The following TMEM87B variants were observed in gnomAD, a reference collection of about 807,000 sequenced individuals.
The protein encoded by TMEM87B is transmembrane protein 87B.
TMEM87B carries 83 observed loss-of-function variants against 80.3 expected under a neutral mutation model. The ratio of observed to expected loss-of-function variants is 1.03; its 90% CI spans 0.87 to 1.24. The LOEUF is 1.24. Among genes scored for constraint, TMEM87B ranks in the 50% most tolerant of loss-of-function variants. The pLI, the probability that TMEM87B is intolerant of heterozygous loss-of-function variation, is 0.00. For synonymous variants in TMEM87B, 219 were observed against 230.5 expected (o/e 0.95, Z 0.45); for missense variants, 625 against 674.4 (o/e 0.93, Z 0.81).
rs1679001596 is a variant in TMEM87B, at chr2:112,081,612, T to G, written c.838+94T>G. Reference sequence around the variant, plus strand: ...TGGGAGGCCCCCTTCTGAACAGTGGTTTGGAAACAGATATATTATAGATGA... The same window carrying G: ...TGGGAGGCCCCCTTCTGAACAGTGGGTTGGAAACAGATATATTATAGATGA... On this transcript the variant is annotated intron_variant, in intron 8 of 18. Transcript: ENST00000283206. 4.4e-6 allele frequency: 5 copies of G among 1,136,980 alleles called. No individual in the cohort carries two copies. In the East Asian group the frequency reaches 1.2e-4, roughly 28 times the overall value. The allele number at this position is 1,136,980 out of a possible 1,614,324, so 70.4% of individuals were successfully genotyped here.
At chr2:112,098,537 G>T (rs1299370367) in intron 13 of TMEM87B, 58 bp from the exon 14 acceptor site, 7 of 1,511,084 alleles carry the variant, frequency 4.6e-6, no homozygotes, top group Middle Eastern at 1.7e-4. Flanking sequence ...ATTTGAATGG[G>T]AAACCTATAT....
intron 9 of TMEM87B, among the ~76,000 whole-genome samples, chr2:112,086,962 A>C (rs1370382366): frequency 6.6e-6 from 1 of 152,160 alleles, no homozygotes; most frequent in Non-Finnish European, 1.5e-5. Flanking sequence ...AATTTTAAGC[A>C]ATCCACTTTT....
At chr2:112,105,681 T>C (rs1679746198) in intron 15 of TMEM87B, among the ~76,000 whole-genome samples, 1 of 152,254 alleles carries the variant, frequency 6.6e-6, no homozygotes, top group Admixed American at 6.5e-5. Context: ...ATCCTGAAGA[T>C]TTTTAAATCC....
chr2:112,081,546 A>G (rs770198811), intron 8 of TMEM87B, 28 bp downstream of exon 8: 3 of 1,578,478 alleles, frequency 1.9e-6, no homozygotes, highest in Non-Finnish European at 2.6e-6. Context: ...CTGTAAATAT[A>G]GTATGATCTA....
chr2:112,071,341 A>G (rs1054647553), intron 4 of TMEM87B, among the ~76,000 whole-genome samples: 2 of 97,160 alleles, frequency 2.1e-5, no homozygotes, highest in South Asian at 3.7e-4. Flanking sequence ...CCACTCTGTC[A>G]TCCAGGCTGG....
At chr2:112,097,554 G>T (rs994212923) in intron 13 of TMEM87B, among the ~76,000 whole-genome samples, 6 of 151,590 alleles carry the variant, frequency 4.0e-5, no homozygotes, top group Non-Finnish European at 8.8e-5. Flanking sequence ...GTGAAACCCC[G>T]TCTCTACTAA....
chr2:112,107,717 T>A (rs1163039178), intron 16 of TMEM87B, 71 bp from the exon 17 acceptor site: 1 of 792,098 alleles, frequency 1.3e-6, no homozygotes, highest in Non-Finnish European at 2.0e-6. Flanking sequence ...TTAAGTTATA[T>A]ATATATTCTG....
chr2:112,098,557 A>T, intron 13 of TMEM87B, 38 bp from the exon 14 acceptor site: 2 of 1,598,336 alleles, frequency 1.3e-6, no homozygotes, highest in Non-Finnish European at 1.7e-6. Context: ...TGCTTATCAG[A>T]AAATTAACGT....
At chr2:112,061,827 G>T (rs183856066) in intron 2 of TMEM87B, among the ~76,000 whole-genome samples, 62 of 152,302 alleles carry the variant, frequency 4.1e-4, no homozygotes, top group Non-Finnish European at 1.5e-5. Context: ...TAAAACTAGG[G>T]TTTAGTCAGG....
intron 2 of TMEM87B, 76 bp from the exon 3 acceptor site, chr2:112,064,086 G>C: frequency 8.0e-7 from 1 of 1,247,154 alleles, no homozygotes; most frequent in South Asian, 1.4e-5. Context: ...ATTTTTAATT[G>C]CATTCTCAAA....
chr2:112,077,271 G>A lies in TMEM87B; in HGVS notation c.581G>A (p.Trp194Ter). The A allele has an allele frequency of 6.4e-7, 1 of 1,574,296 alleles. No homozygotes were observed. The highest frequency in any genetic ancestry group is 8.7e-7 in the Non-Finnish European group (1 of 1,155,898). Reference protein sequence around the residue: ...SIKTENTDASWNLNVSLSMIG... With the variant: ...SIKTENTDAS ...AAAACGGAGAATACAGATGCAAGCT[G>A]GAATTTGAATGGTATAGTTAAACTG... Residue 194 changes from tryptophan (W) to a stop codon, truncating the protein, a stop_gained, in exon 6 of 19, where the codon TGG (tryptophan) becomes TAG (stop). Transcript: ENST00000283206. LOFTEE classifies it high-confidence loss of function.
chr2:112,096,787 GCAT>G (rs890471356), intron 11 of TMEM87B, among the ~76,000 whole-genome samples: 29 of 152,352 alleles, frequency 1.9e-4, no homozygotes, highest in African/African-American at 7.0e-4. Flanking sequence ...TTGGTGGAAC[GCAT>G]CATGGGTCTT....
chr2:112,081,454 G>A lies in TMEM87B; in HGVS notation c.774G>A (p.Leu258=). The A allele has an allele frequency of 6.2e-7, 1 of 1,613,264 alleles. No individual in the cohort carries two copies. The highest frequency in any genetic ancestry group is 8.5e-7 in the Non-Finnish European group (1 of 1,179,842). Reference sequence around the variant, plus strand: ...TCTGGATTGCAGCTGTTATTTTTTTGGGAATGCTTGAAAAAGCAGTTTTTT... The same window carrying A: ...TCTGGATTGCAGCTGTTATTTTTTTAGGAATGCTTGAAAAAGCAGTTTTTT... ...IQFWIAAVIF[L]GMLEKAVFYS... is the part of the protein sequence containing the mutation. Residue 258 remains leucine, a synonymous_variant, in exon 8 of 19, where the codon TTG becomes TTA. Transcript: ENST00000283206.
intron 4 of TMEM87B, among the ~76,000 whole-genome samples, chr2:112,071,257 C>T (rs1678621992): frequency 6.6e-6 from 1 of 152,048 alleles, no homozygotes; most frequent in Admixed American, 6.6e-5. Flanking sequence ...TGATTTGGCT[C>T]TTGGCTTGGC....
At chr2:112,115,680 C>G (rs1398106551) in intron 18 of TMEM87B, among the ~76,000 whole-genome samples, 1 of 152,206 alleles carries the variant, frequency 6.6e-6, no homozygotes, top group African/African-American at 2.4e-5. Context: ...ATTCCTGCCT[C>G]TCATTGGAGA....
At chr2:112,080,495 G>A (rs527779169) in intron 6 of TMEM87B, among the ~76,000 whole-genome samples, 3 of 151,990 alleles carry the variant, frequency 2.0e-5, no homozygotes, top group East Asian at 3.9e-4. Context: ...TCCTGACCTC[G>A]TAATCCGCCC....
Position 112,089,525 on chromosome 2 carries a change from T to C in TMEM87B, c.939-100T>C, listed in dbSNP as rs1037930545. On this transcript the variant is annotated intron_variant, in intron 9 of 18. Transcript: ENST00000283206. Reference sequence around the variant, plus strand: ...GGAACAGACTGATGTGATTAGATAGTGACTTCCTGGTATTGGAAATGGTGC... The same window carrying C: ...GGAACAGACTGATGTGATTAGATAGCGACTTCCTGGTATTGGAAATGGTGC... 3 of 1,052,420 alleles carry C rather than the reference T, an allele frequency of 2.9e-6. No individual in the cohort carries two copies. The African/African-American group carries it at 4.7e-5, about 17-fold the overall frequency. 65.2% of individuals were successfully genotyped at this position (1,052,420 alleles called of 1,614,324 possible). A position where few individuals can be genotyped will look rare whatever the true frequency, so the allele number is the denominator to read the frequency against.
chr2:112,086,143 C>G, intron 9 of TMEM87B, 39 bp downstream of exon 9: 1 of 1,520,138 alleles, frequency 6.6e-7, no homozygotes, highest in South Asian at 1.1e-5. Flanking sequence ...GGGTCCCAGC[C>G]CAGTGATTCA....
rs778514391 is a variant in TMEM87B, at chr2:112,099,525, CAT to C, written c.1376+857_1376+858del. Among the ~76,000 whole-genome samples, 1,095 of 122,638 alleles carry C rather than the reference CAT, an allele frequency of 8.9e-3. 9 individuals carry two copies. Among genetic ancestry groups the C allele is most frequent in the East Asian group, 0.056 (221 of 3,926 alleles). 80.5% of individuals were successfully genotyped at this position (122,638 alleles called of 152,430 possible). A position where few individuals can be genotyped will look rare whatever the true frequency, so the allele number is the denominator to read the frequency against. ...TCCTTTTTAAAATTATACAATAATA[CAT>C]ATATATATATATATATATATATATA... On this transcript the variant is annotated intron_variant, in intron 14 of 18. Coordinates refer to ENST00000283206, the MANE Select transcript of TMEM87B (RefSeq NM_032824.3).
Sources: allele counts gnomAD v4.1 joint callset (sites outside exome capture counted in the v4.1 genomes callset), GRCh38; gene constraint gnomAD v4.1.1; transcripts MANE v1.5; gene names NCBI Gene and HGNC (gene_info 2026-07-23, HGNC 2026-07-21).